The following HS6ST3 variants were observed in gnomAD, a reference collection of about 807,000 sequenced individuals.
HS6ST3 encodes heparan-sulfate 6-O-sulfotransferase 3.
In HS6ST3, 12 loss-of-function variants were observed where a neutral mutation model predicts 36.7. The ratio of observed to expected loss-of-function variants is 0.33; its 90% CI spans 0.21 to 0.53. The LOEUF (loss-of-function observed/expected upper bound fraction) is 0.53, where lower values mean the gene tolerates loss of function less well. Ranked by LOEUF, HS6ST3 falls within the 20% of genes least tolerant of loss-of-function variation. The pLI, the probability that HS6ST3 is intolerant of heterozygous loss-of-function variation, is 0.95. For synonymous variants in HS6ST3, 240 were observed against 257.5 expected, an observed-to-expected ratio of 0.93 and a Z score of 0.65; for missense variants, 584 against 640.9, an observed-to-expected ratio of 0.91 and a Z score of 0.96.
chr13:96,630,514 C>G (rs2056528401), intron 1 of HS6ST3, among the ~76,000 whole-genome samples: 1 of 152,162 alleles, frequency 6.6e-6, no homozygotes, highest in Non-Finnish European at 1.5e-5. Flanking sequence ...CCCTCACTCG[C>G]CTTTCCTGCA....
chr13:96,327,705 A>C (rs2055040656), intron 1 of HS6ST3, among the ~76,000 whole-genome samples: 1 of 151,860 alleles, frequency 6.6e-6, no homozygotes, highest in Non-Finnish European at 1.5e-5. Context: ...AGTTTTTTCC[A>C]ATTCTGTGAA....
Position 96,719,666 on chromosome 13 carries a change from C to T in HS6ST3, c.708-112824C>T, listed in dbSNP as rs186534372. Among the ~76,000 whole-genome samples, 52 of 152,260 alleles carry T rather than the reference C, an allele frequency of 3.4e-4. 1 individual carries two copies. Among genetic ancestry groups the T allele is most frequent in the Non-Finnish European group, 1.8e-4 (12 of 68,008 alleles). On this transcript the variant is annotated intron_variant, in intron 1 of 1. Coordinates refer to ENST00000376705, the MANE Select transcript of HS6ST3 (RefSeq NM_153456.4). The stretch of plus-strand genomic sequence containing the variant: ...TTATGTGATCTGCACTCAGCTTTTT[C>T]GGTGAATCAGATGTCTTTCCACAGG...
At chr13:96,254,416 A>G (rs1430424972) in intron 1 of HS6ST3, among the ~76,000 whole-genome samples, 5 of 3,950 alleles carry the variant, frequency 1.3e-3, no homozygotes, top group Admixed American at 5.5e-3. Context: ...TCTGTCTCAG[A>G]AAAAAAAAAA....
rs80222417 is a variant in HS6ST3 at position 96,662,881 on chromosome 13, C to G, written c.708-169609C>G. Among the ~76,000 whole-genome samples the G allele has an allele frequency of 5.5e-4, 84 of 152,242 alleles. 1 individual carries two copies. The East Asian group carries it at 0.016, about 28-fold the overall frequency. On this transcript the variant is annotated intron_variant, in intron 1 of 1. Coordinates refer to ENST00000376705, the MANE Select transcript of HS6ST3 (RefSeq NM_153456.4). Reference sequence around the variant, plus strand: ...GTGTTGGGTTGTGCAGTTCAACCTCCAGGCCAGTAGTTGGTGCTTATGGAT... The same window carrying G: ...GTGTTGGGTTGTGCAGTTCAACCTCGAGGCCAGTAGTTGGTGCTTATGGAT...
chr13:96,301,945 T>TAA (rs1447950694), intron 1 of HS6ST3, among the ~76,000 whole-genome samples: 1 of 146,484 alleles, frequency 6.8e-6, no homozygotes, highest in Admixed American at 6.9e-5. Context: ...ATAATAATAA[T>TAA]TTCTAAAAGT....
intron 1 of HS6ST3, among the ~76,000 whole-genome samples, chr13:96,729,520 G>C (rs758043899): frequency 2.6e-5 from 4 of 152,080 alleles, no homozygotes; most frequent in Non-Finnish European, 5.9e-5. Flanking sequence ...GCAGTGGCCC[G>C]ATCGTGGCTC....
intron 1 of HS6ST3, among the ~76,000 whole-genome samples, chr13:96,582,959 T>C (rs1487204138): frequency 6.6e-6 from 1 of 152,076 alleles, no homozygotes; most frequent in Non-Finnish European, 1.5e-5. Context: ...TTATTCGTTG[T>C]TCATCTGAAA....
chr13:96,200,706 G>A (rs2054337454), intron 1 of HS6ST3, among the ~76,000 whole-genome samples: 1 of 152,112 alleles, frequency 6.6e-6, no homozygotes, highest in African/African-American at 2.4e-5. Flanking sequence ...TGTTTTGCTC[G>A]CTAATGTATC....
chr13:96,459,146 G>A (rs1348925189), intron 1 of HS6ST3, among the ~76,000 whole-genome samples: 2 of 140,580 alleles, frequency 1.4e-5, no homozygotes, highest in Non-Finnish European at 3.1e-5. Flanking sequence ...GAAAAGCAGT[G>A]GAGCATTTAC....
chr13:96,165,851 A>C lies in HS6ST3; in HGVS notation c.707+74282A>C, dbSNP rs1785661562. ...AGGAAGGGGTGGTGAATATTGAAAG[A>C]ACTAAGTTATGGCAGGGTACGGTGT... is the stretch of plus-strand genomic sequence containing the variant. On this transcript the variant is annotated intron_variant, in intron 1 of 1. Coordinates refer to ENST00000376705, the MANE Select transcript of HS6ST3 (RefSeq NM_153456.4). Among the ~76,000 whole-genome samples, 4 of 152,212 alleles carry C rather than the reference A, an allele frequency of 2.6e-5. No individual in the cohort carries two copies. In the South Asian group the frequency reaches 8.3e-4, roughly 32 times the overall value.
In HS6ST3 at chr13:96,236,753, T is replaced by C. The variant is rs574387485; in HGVS notation, c.707+145184T>C. Reference sequence around the variant, plus strand: ...AGTCAGCACCAAACTGCTATCCTACTATACTTCTCCAATAGGCTCAATTTC... The same window carrying C: ...AGTCAGCACCAAACTGCTATCCTACCATACTTCTCCAATAGGCTCAATTTC... On this transcript the variant is annotated intron_variant, in intron 1 of 1. Transcript: ENST00000376705. 2.6e-5 allele frequency among the ~76,000 whole-genome samples: 4 copies of C among 152,312 alleles called. No individual in the cohort carries two copies. In the South Asian group the frequency reaches 8.3e-4, roughly 32 times the overall value.
chr13:96,268,924 C>A (rs1240562836), intron 1 of HS6ST3, among the ~76,000 whole-genome samples: 1 of 151,870 alleles, frequency 6.6e-6, no homozygotes, highest in Non-Finnish European at 1.5e-5. Flanking sequence ...TTATGCTAGC[C>A]CATGAGCTAG....
At chr13:96,399,709 G>A (rs2055439638) in intron 1 of HS6ST3, among the ~76,000 whole-genome samples, 1 of 152,246 alleles carries the variant, frequency 6.6e-6, no homozygotes, top group Non-Finnish European at 1.5e-5. Flanking sequence ...GGTCTCCCAT[G>A]TACACTGGCT....
intron 1 of HS6ST3, among the ~76,000 whole-genome samples, chr13:96,827,101 A>G (rs1878665154): frequency 6.6e-6 from 1 of 152,176 alleles, no homozygotes; most frequent in South Asian, 2.1e-4. Context: ...GATTGGTGTA[A>G]CATTCTCTTA....
intron 1 of HS6ST3, among the ~76,000 whole-genome samples, chr13:96,759,087 A>G (rs1876903142): frequency 6.6e-6 from 1 of 151,738 alleles, no homozygotes; most frequent in Non-Finnish European, 1.5e-5. Flanking sequence ...CTTGGAGTTT[A>G]CTTTGTCTTA....
At chr13:96,646,944 G>A (rs546084577) in intron 1 of HS6ST3, among the ~76,000 whole-genome samples, 1 of 152,074 alleles carries the variant, frequency 6.6e-6, no homozygotes, top group African/African-American at 2.4e-5. Flanking sequence ...TCTAGGGCGA[G>A]CATTCAACTA....
At chr13:96,750,400 C>T (rs1424939564) in intron 1 of HS6ST3, among the ~76,000 whole-genome samples, 1 of 152,226 alleles carries the variant, frequency 6.6e-6, no homozygotes. Context: ...TCCTTCCTCA[C>T]TGGGTGAAGG....
At chr13:96,469,787 T>C (rs1202504865) in intron 1 of HS6ST3, among the ~76,000 whole-genome samples, 1 of 152,026 alleles carries the variant, frequency 6.6e-6, no homozygotes, top group African/African-American at 2.4e-5. Flanking sequence ...AAATTAATAA[T>C]GGTAGTAGTG....
At chr13:96,590,506 A>C (rs991121325) in intron 1 of HS6ST3, among the ~76,000 whole-genome samples, 3 of 152,040 alleles carry the variant, frequency 2.0e-5, no homozygotes, top group African/African-American at 7.2e-5. Context: ...TTGTCTATTC[A>C]GATCTTTTGC....
Sources: allele counts gnomAD v4.1 joint callset (sites outside exome capture counted in the v4.1 genomes callset), GRCh38; gene constraint gnomAD v4.1.1; transcripts MANE v1.5; gene names NCBI Gene and HGNC (gene_info 2026-07-23, HGNC 2026-07-21).